The following ATP6V1B1 variants were observed in gnomAD, a reference collection of about 807,000 sequenced individuals.
ATP6V1B1 encodes V-type proton ATPase subunit B, kidney isoform.
Under a neutral mutation model 62.1 loss-of-function variants are expected in ATP6V1B1, and 41 were observed. The observed-to-expected ratio is 0.66, with a 90% CI of 0.51 to 0.86. The LOEUF (loss-of-function observed/expected upper bound fraction) is 0.86. ATP6V1B1 is among the 40% of genes least tolerant of loss of function. ATP6V1B1 has a pLI of 0.00. For missense variants in ATP6V1B1, 651 were observed against 697.5 expected, an observed-to-expected ratio of 0.93 and a Z score of 0.75; for synonymous variants, 253 against 273.4, an observed-to-expected ratio of 0.93 and a Z score of 0.74.
At chr2:70,957,693 G>A (rs922684926) in intron 2 of ATP6V1B1, 5 of 354,844 alleles carry the variant, frequency 1.4e-5, no homozygotes, top group African/African-American at 2.1e-5. Flanking sequence ...AGCAGCCGTG[G>A]GAAGTAGGTG....
chr2:70,957,249 CAATATA>C (rs1680460493), intron 2 of ATP6V1B1, among the ~76,000 whole-genome samples: 1 of 36,854 alleles, frequency 2.7e-5, no homozygotes, highest in South Asian at 2.5e-3. Context: ...CCACACCTGG[CAATATA>C]TATATATATA....
rs1258149090 is a variant in ATP6V1B1, at chr2:70,943,485, G to A, written c.119-173G>A. ...CGAGCAGCAGGGGCCCTGCGGGCAG[G>A]GGCATGACCCTTACAGCAATGGTGG... On this transcript the variant is annotated intron_variant, in intron 1 of 13. Coordinates refer to ENST00000234396, the MANE Select transcript of ATP6V1B1 (RefSeq NM_001692.4). The A allele has an allele frequency of 9.3e-6, 7 of 755,942 alleles. No homozygotes were observed. In the East Asian group the frequency reaches 1.1e-4, roughly 12 times the overall value. The allele number at this position is 755,942 out of a possible 1,614,324, so 46.8% of individuals were successfully genotyped here.
chr2:70,938,573 A>G, intron 1 of ATP6V1B1: 7 of 985,328 alleles, frequency 7.1e-6, no homozygotes, highest in Non-Finnish European at 8.4e-6. Context: ...TTTAAGGCTG[A>G]TTTCACTGCA....
chr2:70,964,233 C>T (rs1680660557), intron 11 of ATP6V1B1: 1 of 539,604 alleles, frequency 1.9e-6, no homozygotes. Flanking sequence ...ATGTCATCTT[C>T]CCCCTCCACT....
At chr2:70,964,647 C>G (rs2270263) in intron 12 of ATP6V1B1, 89 bp from the exon 13 acceptor site, 1 of 1,611,692 alleles carries the variant, frequency 6.2e-7, no homozygotes, top group Non-Finnish European at 8.5e-7. Context: ...AATTCCTTTC[C>G]GAACGGGGTC....
chr2:70,957,842 T>A, intron 2 of ATP6V1B1: 1 of 604,216 alleles, frequency 1.7e-6, no homozygotes, highest in Non-Finnish European at 3.0e-6. Flanking sequence ...AGCTGTAACC[T>A]GGTCTTGCAA....
In ATP6V1B1 at chr2:70,951,039, T is replaced by A. The variant is rs192173223; in HGVS notation, c.175-7007T>A. Among the ~76,000 whole-genome samples, 53 of 143,690 alleles carry A rather than the reference T, an allele frequency of 3.7e-4. 1 individual carries two copies. Among genetic ancestry groups the A allele is most frequent in the Non-Finnish European group, 4.3e-4 (29 of 66,928 alleles). 94.3% of individuals were successfully genotyped at this position (143,690 alleles called of 152,430 possible). A position where few individuals can be genotyped will look rare whatever the true frequency, so the allele number is the denominator to read the frequency against. Reference sequence around the variant, plus strand: ...CTCACTGCAACCTCCAGCTCCCCGGTTCAAGCGATTCTTCTGCCTCAGCCT... The same window carrying A: ...CTCACTGCAACCTCCAGCTCCCCGGATCAAGCGATTCTTCTGCCTCAGCCT... On this transcript the variant is annotated intron_variant, in intron 2 of 13. Transcript: ENST00000234396.
intron 8 of ATP6V1B1, among the ~76,000 whole-genome samples, chr2:70,962,247 G>A (rs1680604260): frequency 6.6e-6 from 1 of 152,182 alleles, no homozygotes; most frequent in African/African-American, 2.4e-5. Context: ...AGGGTTCATA[G>A]GGCTGGCAAG....
At chr2:70,944,947 G>A (rs546327199) in intron 2 of ATP6V1B1, among the ~76,000 whole-genome samples, 3 of 152,140 alleles carry the variant, frequency 2.0e-5, no homozygotes, top group South Asian at 2.1e-4. Flanking sequence ...GATTACAGGC[G>A]TGAGCCACCG....
At position 70,959,001 on chromosome 2, in the gene ATP6V1B1, T is replaced by C; in HGVS notation, c.368-17T>C. 1 of 1,613,694 alleles carries C rather than the reference T, an allele frequency of 6.2e-7. No individual in the cohort carries two copies. Among genetic ancestry groups the C allele is most frequent in the Non-Finnish European group, 8.5e-7 (1 of 1,179,804 alleles). On this transcript the variant is annotated splice_polypyrimidine_tract_variant and intron_variant, in intron 4 of 13. Coordinates refer to ENST00000234396, the MANE Select transcript of ATP6V1B1 (RefSeq NM_001692.4). The surrounding 1 kb of genome is among the most constrained non-coding windows in gnomAD (Gnocchi z 4.2). The stretch of plus-strand genomic sequence containing the variant: ...GGCTAGCCTGAGCACCCTGCAACAC[T>C]CCTCGTCCACCCTCAGGTCGGGTTT...
intron 2 of ATP6V1B1, among the ~76,000 whole-genome samples, chr2:70,955,124 T>G (rs879958510): frequency 6.6e-6 from 1 of 152,192 alleles, no homozygotes; most frequent in Non-Finnish European, 1.5e-5. Flanking sequence ...CTGCCTGTGG[T>G]CCTGGAGGAA....
chr2:70,950,932 ATTTT>A (rs55871344), intron 2 of ATP6V1B1, among the ~76,000 whole-genome samples: 8 of 64,624 alleles, frequency 1.2e-4, no homozygotes, highest in African/African-American at 5.1e-4. Context: ...TTTTTTCCTG[ATTTT>A]TTTTTTTTTT....
At chr2:70,955,088 G>A (rs1057146516) in intron 2 of ATP6V1B1, among the ~76,000 whole-genome samples, 10 of 152,168 alleles carry the variant, frequency 6.6e-5, no homozygotes, top group African/African-American at 1.7e-4. Context: ...GGGATTCCCC[G>A]GGGCAAAGCT....
At chr2:70,938,027 A>G (rs568031715) in intron 1 of ATP6V1B1, among the ~76,000 whole-genome samples, 1 of 152,232 alleles carries the variant, frequency 6.6e-6, no homozygotes, top group South Asian at 2.1e-4. Flanking sequence ...ACCCAGAGCA[A>G]AGGTCAGTGC....
intron 1 of ATP6V1B1, 71 bp downstream of exon 1, chr2:70,936,143 C>G (rs576944971): frequency 1.3e-6 from 2 of 1,499,174 alleles, no homozygotes; most frequent in Non-Finnish European, 1.8e-6. Context: ...GGTTCCCGGG[C>G]CCCGCTTCTT....
At chr2:70,948,717 C>G (rs1680249644) in intron 2 of ATP6V1B1, 1 of 152,226 alleles carries the variant, frequency 6.6e-6, no homozygotes, top group Non-Finnish European at 1.5e-5. Flanking sequence ...GCTGAAGCCC[C>G]CACTCCGCAA....
chr2:70,949,122 G>T (rs1019080567), intron 2 of ATP6V1B1, among the ~76,000 whole-genome samples: 1 of 152,112 alleles, frequency 6.6e-6, no homozygotes, highest in African/African-American at 2.4e-5. Context: ...GCCCCTAACC[G>T]CTTTATTCTC....
intron 2 of ATP6V1B1, among the ~76,000 whole-genome samples, chr2:70,957,250 A>AATATATATATATATATATAT (rs55638187): frequency 6.9e-6 from 1 of 144,842 alleles, no homozygotes; most frequent in African/African-American, 2.6e-5. Context: ...CACACCTGGC[A>AATATATATATATATATATAT]ATATATATAT....
intron 8 of ATP6V1B1, chr2:70,961,910 G>A: frequency 5.0e-6 from 3 of 603,884 alleles, no homozygotes; most frequent in East Asian, 2.9e-5. Context: ...TCTGCTGCCT[G>A]TGCCCTCTGC....
Sources: gnomAD v4.1 joint callset for allele counts (sites outside exome capture counted in the v4.1 genomes callset) on GRCh38, gnomAD v4.1.1 for gene constraint, Gnocchi (gnomAD v3.1) non-coding constraint, MANE v1.5 for transcripts, NCBI Gene and HGNC (gene_info 2026-07-23, HGNC 2026-07-21) for gene names.